Variants in SHANK2 observed in about 807,000 individuals in gnomAD.
SHANK2 encodes the protein SH3 and multiple ankyrin repeat domains protein 2.
In SHANK2, 43 loss-of-function variants were observed where a neutral mutation model predicts 133.7. The ratio of observed to expected loss-of-function variants is 0.32; its 90% CI spans 0.25 to 0.41. The LOEUF is 0.41. SHANK2 is among the 10% of genes least tolerant of loss of function. SHANK2 has a pLI of 1.00. For synonymous variants in SHANK2, 1,017 were observed against 952.8 expected, an observed-to-expected ratio of 1.07 and a Z score of -1.24; for missense variants, 1,994 against 2,235.8, an observed-to-expected ratio of 0.89 and a Z score of 2.18.
chr11:71,130,227 T>C (rs782387078), intron 3 of SHANK2, among the ~76,000 whole-genome samples: 3 of 152,182 alleles, frequency 2.0e-5, no homozygotes, highest in Non-Finnish European at 2.9e-5. Context: ...TGAATGACCA[T>C]GGGGCGAGTC....
intron 17 of SHANK2, among the ~76,000 whole-genome samples, chr11:70,627,833 T>C (rs1468653074): frequency 6.6e-6 from 1 of 152,228 alleles, no homozygotes; most frequent in African/African-American, 2.4e-5. Context: ...TGTGGCATCA[T>C]GTTGATGCTC....
chr11:70,892,812 G>A (rs539032288), intron 11 of SHANK2, among the ~76,000 whole-genome samples: 66 of 152,278 alleles, frequency 4.3e-4, no homozygotes, highest in African/African-American at 1.5e-3. Context: ...GCTGGAACTG[G>A]TGGGTAAATA....
intron 25 of SHANK2, chr11:70,474,020 C>A: frequency 5.3e-6 from 1 of 187,530 alleles, no homozygotes; most frequent in South Asian, 1.2e-4. Context: ...GGATCCTTCC[C>A]AGGTGGCCCC....
chr11:71,147,439 G>T, intron 2 of SHANK2, 101 bp from the exon 3 acceptor site: 1 of 898,148 alleles, frequency 1.1e-6, no homozygotes, highest in Non-Finnish European at 1.6e-6. Flanking sequence ...CGTGGGCTCG[G>T]TTTCACAGTC....
chr11:70,918,028 T>G (rs374044865), intron 10 of SHANK2, among the ~76,000 whole-genome samples: 2 of 151,912 alleles, frequency 1.3e-5, no homozygotes, highest in Non-Finnish European at 2.9e-5. Flanking sequence ...TTTTTTTTTT[T>G]TTTTTTTTTT....
At chr11:70,838,731 C>T (rs144337338) in intron 11 of SHANK2, among the ~76,000 whole-genome samples, 184 of 152,320 alleles carry the variant, frequency 1.2e-3, no homozygotes, top group African/African-American at 4.3e-3. Flanking sequence ...CCTGGACTCT[C>T]ACTCTGCACA....
chr11:71,233,430 G>T (rs1954776573), intron 1 of SHANK2, among the ~76,000 whole-genome samples: 1 of 152,168 alleles, frequency 6.6e-6, no homozygotes, highest in Non-Finnish European at 1.5e-5. Flanking sequence ...AACTCACCAA[G>T]ACGGGAGACA....
At chr11:70,853,240 C>G (rs1949116848) in intron 11 of SHANK2, among the ~76,000 whole-genome samples, 1 of 152,226 alleles carries the variant, frequency 6.6e-6, no homozygotes, top group African/African-American at 2.4e-5. Context: ...TTCTAGGGAG[C>G]AGACACTGGA....
chr11:71,197,912 C>T (rs181181442), intron 2 of SHANK2, among the ~76,000 whole-genome samples: 269 of 152,310 alleles, frequency 1.8e-3, no homozygotes, highest in Non-Finnish European at 3.2e-3. Context: ...AATCACCAAC[C>T]CCAGCCAGGG....
chr11:70,910,065 G>A (rs79072783), intron 10 of SHANK2, among the ~76,000 whole-genome samples: 1,900 of 152,272 alleles, frequency 0.012, 46 homozygotes, highest in African/African-American at 0.044. Context: ...CTGTGTGTCT[G>A]TGTCCTCATC....
chr11:70,512,356 C>A (rs2059215273), intron 17 of SHANK2, among the ~76,000 whole-genome samples: 1 of 152,174 alleles, frequency 6.6e-6, no homozygotes, highest in Non-Finnish European at 1.5e-5. Flanking sequence ...CCACTGTTTT[C>A]CCAGTACCAC....
At chr11:71,086,925 A>T (rs1345610377) in intron 8 of SHANK2, among the ~76,000 whole-genome samples, 15 of 152,252 alleles carry the variant, frequency 9.9e-5, no homozygotes, top group African/African-American at 3.4e-4. Context: ...AATCTTTAGC[A>T]GGGGAGAAAA....
intron 8 of SHANK2, among the ~76,000 whole-genome samples, chr11:71,091,866 G>A (rs939430104): frequency 5.9e-5 from 9 of 152,102 alleles, no homozygotes; most frequent in South Asian, 2.1e-4. Flanking sequence ...CTTTAACCCC[G>A]TCCACACCTC....
rs951816216 is a variant in SHANK2, at chr11:70,569,279, C to A, written c.2062-66348G>T. Among the ~76,000 whole-genome samples the A allele has an allele frequency of 6.6e-6, 1 of 152,196 alleles. No individual in the cohort carries two copies. Among genetic ancestry groups the A allele is most frequent in the Non-Finnish European group, 1.5e-5 (1 of 68,028 alleles). On this transcript the variant is annotated intron_variant, in intron 17 of 25. Transcript: ENST00000601538. This position sits in a 1 kb window ranked among gnomAD's most constrained non-coding sequence, Gnocchi z 5.1. ...AGGGGAGGCTGGTGGCTAAGCCATGCCGCTGGGGTCCTGGGGGGTCAGGCT... is the reference window on the plus strand; with the variant it reads ...AGGGGAGGCTGGTGGCTAAGCCATGACGCTGGGGTCCTGGGGGGTCAGGCT...
chr11:71,183,564 T>A (rs1405424034), intron 2 of SHANK2, among the ~76,000 whole-genome samples: 1 of 152,206 alleles, frequency 6.6e-6, no homozygotes, highest in Non-Finnish European at 1.5e-5. Flanking sequence ...TAGAAATCAC[T>A]ACATCAATGC....
At chr11:70,506,271 G>C (rs1554968349) in intron 17 of SHANK2, among the ~76,000 whole-genome samples, 1 of 152,220 alleles carries the variant, frequency 6.6e-6, no homozygotes, top group African/African-American at 2.4e-5. Flanking sequence ...ACAGGGCCAG[G>C]CTGGCTGCCC....
rs545427655 is a variant in SHANK2 at position 71,201,393 on chromosome 11, G to A, written c.-13+23304C>T. On this transcript the variant is annotated intron_variant, in intron 2 of 25. Coordinates refer to ENST00000601538, the MANE Select transcript of SHANK2 (RefSeq NM_012309.5). ...CTGTGCTGCCCACCGCTGCCCGCCC[G>A]GAGATTGCGCCGAGCTGGCGTGTGC... 2.5e-3 allele frequency among the ~76,000 whole-genome samples: 378 copies of A among 152,344 alleles called. 1 individual carries two copies. The highest frequency in any genetic ancestry group is 0.01 in the Middle Eastern group (3 of 294).
chr11:70,908,075 AAC>A (rs1262703986), intron 10 of SHANK2: 3 of 290,540 alleles, frequency 1.0e-5, no homozygotes, highest in Non-Finnish European at 2.1e-5. Flanking sequence ...CACTCTGCGC[AAC>A]AGAGTGAGAG....
At chr11:70,560,219 C>A (rs981942959) in intron 17 of SHANK2, among the ~76,000 whole-genome samples, 11 of 152,120 alleles carry the variant, frequency 7.2e-5, no homozygotes, top group African/African-American at 2.7e-4. Flanking sequence ...CCTCTGGACA[C>A]CCCGGTGAGT....
Sources: allele counts gnomAD v4.1 joint callset (sites outside exome capture counted in the v4.1 genomes callset), GRCh38; gene constraint gnomAD v4.1.1; non-coding constraint Gnocchi (gnomAD v3.1); transcripts MANE v1.5; gene names NCBI Gene and HGNC (gene_info 2026-07-23, HGNC 2026-07-21).